Variants in MAPKAPK2 observed in about 807,000 individuals in gnomAD.
The protein encoded by MAPKAPK2 is MAPK activated protein kinase 2.
A neutral mutation model predicts 48.8 loss-of-function variants in MAPKAPK2; 9 were observed. That is an observed-to-expected ratio of 0.18 (90% CI 0.11 to 0.32). MAPKAPK2 has a LOEUF of 0.32. Among genes scored for constraint, MAPKAPK2 ranks in the 10% least tolerant of loss-of-function variants. MAPKAPK2 has a pLI of 1.00. For synonymous variants in MAPKAPK2, 202 were observed against 190.6 expected (o/e 1.06, Z -0.49); for missense variants, 331 against 498.3 (o/e 0.66, Z 3.20).
intron 1 of MAPKAPK2, among the ~76,000 whole-genome samples, chr1:206,722,985 AGAG>A (rs1342580170): frequency 6.6e-6 from 1 of 152,220 alleles, no homozygotes; most frequent in Non-Finnish European, 1.5e-5. Context: ...CTGGGAGTGA[AGAG>A]GAGGTCTTAT....
rs780533615 is a variant in MAPKAPK2, at chr1:206,731,364, C to T, written c.892+102C>T. The T allele has an allele frequency of 2.3e-5, 36 of 1,555,888 alleles. No homozygotes were observed. The Admixed American group carries it at 2.8e-4, about 12-fold the overall frequency. The stretch of plus-strand genomic sequence containing the variant: ...CATGTATGGGCCTCCATCTCATGTG[C>T]GTGGTGTAACTGTGGGTTAGCACCT... On this transcript the variant is annotated intron_variant, in intron 7 of 9. Coordinates refer to ENST00000367103, the MANE Select transcript of MAPKAPK2 (RefSeq NM_032960.4). The surrounding 1 kb of genome is among the most constrained non-coding windows in gnomAD (Gnocchi z 5.9).
intron 1 of MAPKAPK2, among the ~76,000 whole-genome samples, chr1:206,715,063 C>T (rs1673285398): frequency 6.6e-6 from 1 of 152,116 alleles, no homozygotes; most frequent in Non-Finnish European, 1.5e-5. Flanking sequence ...GGATGTAATT[C>T]TGGGTGATTG....
At position 206,707,686 on chromosome 1, in the gene MAPKAPK2, C is replaced by G. The variant is rs145698624; in HGVS notation, c.280-21024C>G. On this transcript the variant is annotated intron_variant, in intron 1 of 9. Transcript: ENST00000367103. ...TGTTGGCTCCACTCAGATTCTGTGC[C>G]CCAGAGACCTGCTGGGTGTGTGTGG... is the stretch of plus-strand genomic sequence containing the variant. Among the ~76,000 whole-genome samples, 348 of 152,224 alleles carry G rather than the reference C, an allele frequency of 2.3e-3. 2 individuals carry two copies. The highest frequency in any genetic ancestry group is 8.0e-3 in the African/African-American group (333 of 41,524).
rs1347942859 is a variant in MAPKAPK2, at chr1:206,729,036, T to A, written c.421T>A (p.Leu141Met). The part of the protein sequence containing the change: ...RKCLLIVMEC[L>M]DGGELFSRIQ... ...GATCTCACTGTGGCTTCATTTCAGT[T>A]TGGACGGTGGAGAACTCTTTAGCCG... is the stretch of plus-strand genomic sequence containing the variant. The change falls in exon 3 of 10, where the codon TTG (leucine) becomes ATG (methionine). Residue 141 changes from leucine to methionine, a missense_variant and splice_region_variant. Coordinates refer to ENST00000367103, the MANE Select transcript of MAPKAPK2 (RefSeq NM_032960.4). The A allele has an allele frequency of 6.2e-7, 1 of 1,613,974 alleles. No individual in the cohort carries two copies. Among genetic ancestry groups the A allele is most frequent in the African/African-American group, 1.3e-5 (1 of 74,878 alleles).
intron 1 of MAPKAPK2, 145 bp from the exon 2 acceptor site, chr1:206,728,565 A>C: frequency 3.8e-6 from 3 of 794,138 alleles, no homozygotes; most frequent in Non-Finnish European, 5.8e-6. Context: ...AGGCCTCAGG[A>C]AATGTGCCAA....
chr1:206,719,542 T>C (rs1394429383), intron 1 of MAPKAPK2, among the ~76,000 whole-genome samples: 1 of 152,244 alleles, frequency 6.6e-6, no homozygotes, highest in African/African-American at 2.4e-5. Context: ...CTCATCAACC[T>C]TCTAAGGCTT....
Position 206,731,089 on chromosome 1 carries a change from C to G in MAPKAPK2, c.768-49C>G, listed in dbSNP as rs1553432559. ...TCATCCTGTTCCTGGTACAGGGCCA[C>G]TAAGTGACAGCTGTTCTGTCTCCCA... On this transcript the variant is annotated intron_variant, in intron 6 of 9. Coordinates refer to ENST00000367103, the MANE Select transcript of MAPKAPK2 (RefSeq NM_032960.4). The surrounding 1 kb of genome is among the most constrained non-coding windows in gnomAD (Gnocchi z 5.9). 1 of 1,613,210 alleles carries G rather than the reference C, an allele frequency of 6.2e-7. No homozygotes were observed. The highest frequency in any genetic ancestry group is 8.5e-7 in the Non-Finnish European group (1 of 1,179,170).
At chr1:206,685,599 CGCGGGGCGGAGGGGTGGCCGCG>C (rs1553425478) in intron 1 of MAPKAPK2, 91 bp downstream of exon 1, 4 of 1,126,080 alleles carry the variant, frequency 3.6e-6, no homozygotes, top group Admixed American at 1.0e-4. Context: ...TGGGTCGCGG[CGCGGGGCGGAGGGGTGGCCGCG>C]GCGGGGCGGG....
chr1:206,688,970 C>G (rs935166086), intron 1 of MAPKAPK2, among the ~76,000 whole-genome samples: 4 of 152,240 alleles, frequency 2.6e-5, no homozygotes, highest in African/African-American at 9.6e-5. Context: ...TAGTCTCAAC[C>G]CACTTGTGTA....
At position 206,686,239 on chromosome 1, in the gene MAPKAPK2, AC is replaced by A. The variant is rs200466417; in HGVS notation, c.279+734del. 9.0e-3 allele frequency among the ~76,000 whole-genome samples: 1,365 copies of A among 152,152 alleles called. 19 individuals are homozygous for A. The highest frequency in any genetic ancestry group is 0.031 in the African/African-American group (1,305 of 41,502). ...CTGATCATTGTGAACAGAGTCTGTA[AC>A]CCGCGGCCGGGCCCGTGCTGATTCC... On this transcript the variant is annotated intron_variant, in intron 1 of 9. Transcript: ENST00000367103.
chr1:206,730,781 G>A lies in MAPKAPK2; in HGVS notation c.767+18G>A, dbSNP rs2102416271. 3 of 1,551,210 alleles carry A rather than the reference G, an allele frequency of 1.9e-6. No individual in the cohort carries two copies. The highest frequency in any genetic ancestry group is 2.7e-6 in the Non-Finnish European group (3 of 1,122,510). Reference sequence around the variant, plus strand: ...TACATCCTGTGAGTGTGCTGGGGAGGGGGCTGGGTGGGGCAGGGAGTCAGG... The same window carrying A: ...TACATCCTGTGAGTGTGCTGGGGAGAGGGCTGGGTGGGGCAGGGAGTCAGG... On this transcript the variant is annotated intron_variant, in intron 6 of 9. Transcript: ENST00000367103.
intron 1 of MAPKAPK2, among the ~76,000 whole-genome samples, chr1:206,691,608 A>C (rs1553426307): frequency 6.6e-6 from 1 of 151,536 alleles, no homozygotes; most frequent in South Asian, 2.1e-4. Context: ...GAAAGCTTCC[A>C]GTGTTTGTAT....
chr1:206,726,231 C>T (rs781937360), intron 1 of MAPKAPK2, among the ~76,000 whole-genome samples: 3 of 151,930 alleles, frequency 2.0e-5, no homozygotes, highest in Non-Finnish European at 4.4e-5. Context: ...CTAAAAATAC[C>T]AAAAAATTAG....
At chr1:206,724,868 A>G (rs782665037) in intron 1 of MAPKAPK2, among the ~76,000 whole-genome samples, 11 of 152,208 alleles carry the variant, frequency 7.2e-5, no homozygotes, top group Non-Finnish European at 1.5e-4. Context: ...TAGGTTGGGC[A>G]GATAAGGCAT....
chr1:206,687,318 C>T (rs781906880), intron 1 of MAPKAPK2, among the ~76,000 whole-genome samples: 9 of 152,150 alleles, frequency 5.9e-5, no homozygotes, highest in South Asian at 2.1e-4. Context: ...TTGTAACTAA[C>T]GAGAGAGAGG....
At chr1:206,728,901 A>G (rs1186680664) in intron 2 of MAPKAPK2, 52 bp downstream of exon 2, 3 of 1,611,960 alleles carry the variant, frequency 1.9e-6, no homozygotes, top group African/African-American at 1.3e-5. Flanking sequence ...CTCCTCACTC[A>G]GGCACCTTAC....
intron 1 of MAPKAPK2, among the ~76,000 whole-genome samples, chr1:206,714,049 T>C (rs1673240661): frequency 1.3e-5 from 2 of 152,100 alleles, no homozygotes; most frequent in South Asian, 4.1e-4. Flanking sequence ...GGCTAGATAG[T>C]GATGTCATTG....
chr1:206,711,227 T>G (rs1380618129), intron 1 of MAPKAPK2, among the ~76,000 whole-genome samples: 2 of 152,216 alleles, frequency 1.3e-5, no homozygotes, highest in Non-Finnish European at 2.9e-5. Context: ...ACAACTTGCT[T>G]TTTTCATGGA....
At chr1:206,690,201 T>C (rs1672414726) in intron 1 of MAPKAPK2, among the ~76,000 whole-genome samples, 1 of 152,206 alleles carries the variant, frequency 6.6e-6, no homozygotes, top group Non-Finnish European at 1.5e-5. Context: ...AAGATGGGCT[T>C]ACAGAATTAT....
Sources: allele counts gnomAD v4.1 joint callset (sites outside exome capture counted in the v4.1 genomes callset), GRCh38; gene constraint gnomAD v4.1.1; non-coding constraint Gnocchi (gnomAD v3.1); transcripts MANE v1.5; gene names NCBI Gene and HGNC (gene_info 2026-07-23, HGNC 2026-07-21).